NAA25: variants seen among roughly 807,000 people sequenced by gnomAD.
NAA25 encodes the protein N-terminal acetyltransferase B complex subunit NAA25.
In NAA25, 30 loss-of-function variants were observed where a neutral mutation model predicts 132.5. That is an observed-to-expected ratio of 0.23 (90% CI 0.17 to 0.31). The LOEUF (loss-of-function observed/expected upper bound fraction) is 0.31, where lower values mean the gene tolerates loss of function less well. Among genes scored for constraint, NAA25 ranks in the 10% least tolerant of loss-of-function variants. NAA25 has a pLI of 1.00. For synonymous variants in NAA25, 359 were observed against 401.9 expected (o/e 0.89, Z 1.28); for missense variants, 771 against 1,150.4 (o/e 0.67, Z 4.77).
chr12:112,043,928 A>ATTT (rs372332897), intron 17 of NAA25, 60 bp from the exon 18 acceptor site: 513 of 1,308,344 alleles, frequency 3.9e-4, no homozygotes, highest in Middle Eastern at 7.0e-4. Flanking sequence ...ATTGCTTTCA[A>ATTT]TTTTTTTTTT....
rs746169734 is a variant in NAA25 at position 112,075,805 on chromosome 12, A to T, written c.665-16T>A. ...GTCAACTTCTCTAAAATCAAAAGTT[A>T]TAAAAGTTGGTAAGCTGGTTTCATT... is the stretch of plus-strand genomic sequence containing the variant. On this transcript the variant is annotated splice_polypyrimidine_tract_variant and intron_variant, in intron 7 of 23. Coordinates refer to ENST00000261745, the MANE Select transcript of NAA25 (RefSeq NM_024953.4). 1.2e-6 allele frequency: 2 copies of T among 1,606,840 alleles called. No homozygotes were observed. The highest frequency in any genetic ancestry group is 2.2e-5 in the South Asian group (2 of 90,936).
At chr12:112,070,168 T>A (rs1429992216) in intron 10 of NAA25, among the ~76,000 whole-genome samples, 1 of 152,116 alleles carries the variant, frequency 6.6e-6, no homozygotes, top group African/African-American at 2.4e-5. Flanking sequence ...AAGCAAATTC[T>A]TAGTATGAGC....
intron 14 of NAA25, 100 bp from the exon 15 acceptor site, chr12:112,053,757 G>T: frequency 3.2e-6 from 2 of 617,258 alleles, no homozygotes; most frequent in Non-Finnish European, 2.7e-6. Context: ...CAAAAAAATA[G>T]CTAGGCATAA....
At chr12:112,048,874 G>GC (rs1184981143) in intron 15 of NAA25, among the ~76,000 whole-genome samples, 14 of 97,000 alleles carry the variant, frequency 1.4e-4, no homozygotes, top group African/African-American at 4.8e-4. Context: ...CCTGCCCCCC[G>GC]CCCCCCCAAA....
chr12:112,068,880 T>C lies in NAA25; in HGVS notation c.1149A>G (p.Lys383=), dbSNP rs781100918. 1.9e-6 allele frequency: 3 copies of C among 1,580,130 alleles called. No homozygotes were observed. Among genetic ancestry groups the C allele is most frequent in the Non-Finnish European group, 2.6e-6 (3 of 1,154,490 alleles). Reference sequence around the variant, plus strand: ...AACTTCTAAACTGTATAGTACTTACTTTTGTACACTGTGTAGCAGGTAAGA... The same window carrying C: ...AACTTCTAAACTGTATAGTACTTACCTTTGTACACTGTGTAGCAGGTAAGA... ...VDLLPATQCT[K]FINQLLGVVP... is the part of the protein sequence containing the mutation. Residue 383 remains lysine (K), a splice_region_variant and synonymous_variant, in exon 11 of 24, where the codon AAA becomes AAG. Transcript: ENST00000261745.
chr12:112,106,002 G>T (rs2079356879), intron 1 of NAA25, among the ~76,000 whole-genome samples: 1 of 152,220 alleles, frequency 6.6e-6, no homozygotes, highest in African/African-American at 2.4e-5. Flanking sequence ...AACCATGGTT[G>T]TTTGGGGGTA....
intron 11 of NAA25, among the ~76,000 whole-genome samples, chr12:112,061,859 C>T (rs756873535): frequency 6.6e-6 from 1 of 152,028 alleles, no homozygotes; most frequent in Non-Finnish European, 1.5e-5. Context: ...GTCAGTGACC[C>T]TACATTTTTC....
At chr12:112,092,989 A>T in intron 2 of NAA25, 62 bp downstream of exon 2, 2 of 1,227,844 alleles carry the variant, frequency 1.6e-6, no homozygotes, top group Non-Finnish European at 2.3e-6. Context: ...CTTTCTCTTT[A>T]AGGTAAGGAA....
At chr12:112,073,232 C>T (rs534269680) in intron 9 of NAA25, among the ~76,000 whole-genome samples, 2 of 150,896 alleles carry the variant, frequency 1.3e-5, no homozygotes, top group South Asian at 2.1e-4. Flanking sequence ...GAGACCCTGT[C>T]TCAAAAAAAA....
At chr12:112,105,578 C>G (rs565079864) in intron 1 of NAA25, among the ~76,000 whole-genome samples, 27 of 152,328 alleles carry the variant, frequency 1.8e-4, no homozygotes, top group African/African-American at 6.5e-4. Context: ...AAAATTTCAA[C>G]CCACCACAAT....
At chr12:112,046,603 A>C (rs2078384653) in intron 17 of NAA25, among the ~76,000 whole-genome samples, 1 of 152,240 alleles carries the variant, frequency 6.6e-6, no homozygotes, top group South Asian at 2.1e-4. Context: ...AGATCTGCCA[A>C]ATTAAATGGT....
chr12:112,039,656 C>G (rs1182980571), intron 21 of NAA25: 3 of 181,444 alleles, frequency 1.7e-5, no homozygotes. Context: ...ATCCTTTTCA[C>G]TCAGAGAAGA....
At chr12:112,056,753 C>T (rs1341544950) in intron 13 of NAA25, among the ~76,000 whole-genome samples, 2 of 152,118 alleles carry the variant, frequency 1.3e-5, no homozygotes, top group South Asian at 4.1e-4. Context: ...AGAAGCCCTG[C>T]ATCTTCACAA....
chr12:112,089,133 C>A (rs2079095639), intron 3 of NAA25, among the ~76,000 whole-genome samples: 1 of 152,084 alleles, frequency 6.6e-6, no homozygotes, highest in African/African-American at 2.4e-5. Flanking sequence ...GAGCACAGTG[C>A]CTCGTGCCTA....
chr12:112,079,395 G>A (rs1272765536), intron 5 of NAA25, among the ~76,000 whole-genome samples: 1 of 151,958 alleles, frequency 6.6e-6, no homozygotes, highest in Admixed American at 6.6e-5. Flanking sequence ...GACCAGCCTG[G>A]CCAACATGGC....
chr12:112,062,095 T>TAAGG (rs1422261601), intron 11 of NAA25, among the ~76,000 whole-genome samples: 8 of 151,958 alleles, frequency 5.3e-5, no homozygotes, highest in Non-Finnish European at 1.0e-4. Context: ...AAGATGCCAG[T>TAAGG]AAGGAATAAA....
chr12:112,040,586 CA>C lies in NAA25; in HGVS notation c.2441-9del, dbSNP rs756400283. On this transcript the variant is annotated splice_polypyrimidine_tract_variant and intron_variant, in intron 20 of 23. Transcript: ENST00000261745. ...TACATTTACTGAAGACATCTGAAAA[CA>C]AAAAACATTTTAGTTTTATTCAGCT... 2.0e-6 allele frequency: 3 copies of C among 1,502,562 alleles called. No individual in the cohort carries two copies. Among genetic ancestry groups the C allele is most frequent in the Non-Finnish European group, 9.1e-7 (1 of 1,095,382 alleles). 93.1% of individuals were successfully genotyped at this position (1,502,562 alleles called of 1,614,324 possible).
At chr12:112,067,288 T>C (rs987285538) in intron 11 of NAA25, among the ~76,000 whole-genome samples, 4 of 152,218 alleles carry the variant, frequency 2.6e-5, no homozygotes, top group Admixed American at 6.5e-5. Context: ...CAGAATTTCA[T>C]GAAAAAGATG....
intron 4 of NAA25, among the ~76,000 whole-genome samples, chr12:112,086,073 T>TATATATATATATATACACACACAC (rs759148501): frequency 1.1e-4 from 6 of 53,988 alleles, no homozygotes; most frequent in South Asian, 2.0e-3. Flanking sequence ...TATATATATA[T>TATATATATATATATACACACACAC]ACACACACAC....
Sources: gnomAD v4.1 joint callset for allele counts (sites outside exome capture counted in the v4.1 genomes callset) on GRCh38, gnomAD v4.1.1 for gene constraint, MANE v1.5 for transcripts, NCBI Gene and HGNC (gene_info 2026-07-23, HGNC 2026-07-21) for gene names.